Variants in NLRX1 observed in about 807,000 individuals in gnomAD.
NLRX1 encodes the protein NOD-like receptor X1.
Under a neutral mutation model 74.2 loss-of-function variants are expected in NLRX1, and 67 were observed. The ratio of observed to expected loss-of-function variants is 0.90; its 90% CI spans 0.74 to 1.11. NLRX1 has a LOEUF of 1.11. NLRX1 is among the 50% of genes least tolerant of loss of function. NLRX1 has a pLI of 0.00. For missense variants in NLRX1, 1,191 were observed against 1,305.4 expected, an observed-to-expected ratio of 0.91 and a Z score of 1.35; for synonymous variants, 506 against 559.1, an observed-to-expected ratio of 0.91 and a Z score of 1.34.
Position 119,182,331 on chromosome 11 carries a change from C to T in NLRX1, c.2592C>T (p.Ser864=). 1 of 1,612,488 alleles carries T rather than the reference C, an allele frequency of 6.2e-7. No individual in the cohort carries two copies. Among genetic ancestry groups the T allele is most frequent in the Non-Finnish European group, 8.5e-7 (1 of 1,179,830 alleles). Residue 864 remains serine, a synonymous_variant, in exon 9 of 10, where the codon TCC becomes TCT. Coordinates refer to ENST00000409109, the MANE Select transcript of NLRX1 (RefSeq NM_001282144.2). ...ALARAAREHP[S]LELLHLYFNE... The stretch of plus-strand genomic sequence containing the variant: ...CCAGAGCTGCCCGGGAGCACCCTTC[C>T]CTGGAACTGCTACAGTGAGTCCTGT...
Position 119,183,171 on chromosome 11 carries a change from G to A in NLRX1, c.2660G>A (p.Gly887Glu). The part of the protein sequence containing the change: ...SEGRQVLRDL[G>E]GAAEGGARVV... The stretch of plus-strand genomic sequence containing the variant: ...GGCCGCCAGGTCTTGCGAGACTTGG[G>A]GGGTGCTGCTGAAGGTGGTGCCCGG... Residue 887 changes from glycine to glutamate, a missense_variant, in exon 10 of 10, where the codon GGG becomes GAG. Coordinates refer to ENST00000409109, the MANE Select transcript of NLRX1 (RefSeq NM_001282144.2). This position sits in a 1 kb window ranked among gnomAD's most constrained non-coding sequence, Gnocchi z 5.7. The A allele has an allele frequency of 6.2e-7, 1 of 1,614,172 alleles. No individual in the cohort carries two copies. Among genetic ancestry groups the A allele is most frequent in the Non-Finnish European group, 8.5e-7 (1 of 1,180,038 alleles).
chr11:119,170,883 C>T (rs1402097298), intron 1 of NLRX1, among the ~76,000 whole-genome samples: 1 of 152,222 alleles, frequency 6.6e-6, no homozygotes, highest in Admixed American at 6.5e-5. Context: ...ATGGCTCACA[C>T]TTGTAATCCC....
chr11:119,177,484 C>G (rs1296263292), intron 6 of NLRX1, among the ~76,000 whole-genome samples: 1 of 148,938 alleles, frequency 6.7e-6, no homozygotes, highest in East Asian at 2.2e-4. Flanking sequence ...AAAAATTAGC[C>G]GGGTGTGGTG....
upstream of NLRX1, chr11:119,168,431 C>A (rs921735943): frequency 6.6e-6 from 1 of 152,306 alleles, no homozygotes; most frequent in Non-Finnish European, 1.5e-5. Context: ...GCCTTAGGCT[C>A]AGGTCTCTGC....
chr11:119,174,390 G>A (rs1373265231), intron 5 of NLRX1, 63 bp from the exon 6 acceptor site: 14 of 1,522,120 alleles, frequency 9.2e-6, no homozygotes, highest in Non-Finnish European at 1.3e-5. Flanking sequence ...GGGGTCCCCT[G>A]GGAATAGAAG....
intron 7 of NLRX1, 47 bp downstream of exon 7, chr11:119,180,335 G>C (rs1592335313): frequency 6.9e-7 from 1 of 1,445,372 alleles, no homozygotes; most frequent in Admixed American, 2.3e-5. Flanking sequence ...AAGAGGGTTG[G>C]AGGTGAAGAA....
Position 119,180,094 on chromosome 11 carries a change from C to T in NLRX1, c.2073C>T (p.Ser691=), listed in dbSNP as rs775739053. ...FHYEFQNQRF[S]AEVLSSLRQL... ...ATGAGTTCCAGAACCAGCGCTTCTC[C>T]GCTGAGGTGCTCAGCTCCCTGCGTC... Residue 691 remains serine (S), a synonymous_variant, in exon 7 of 10, where the codon TCC becomes TCT. Coordinates refer to ENST00000409109, the MANE Select transcript of NLRX1 (RefSeq NM_001282144.2). The T allele has an allele frequency of 3.5e-5, 57 of 1,613,540 alleles. No individual in the cohort carries two copies. The highest frequency in any genetic ancestry group is 8.0e-5 in the African/African-American group (6 of 74,946).
At chr11:119,174,420 G>A (rs756391419) in intron 5 of NLRX1, 33 bp from the exon 6 acceptor site, 19 of 1,591,588 alleles carry the variant, frequency 1.2e-5, no homozygotes, top group Non-Finnish European at 1.5e-5. Flanking sequence ...GGACACTAAG[G>A]TCTTTCTTAA....
rs1216538068 is a variant in NLRX1, at chr11:119,180,023, C to G, written c.2002C>G (p.Gln668Glu). ...IKKKLGKLGR[Q>E]VLPPSELLDH... ...GAAGAAGCTGGGCAAGCTGGGCCGG[C>G]AGGTGCTGCCCCCATCAGAGCTCCT... The change falls in exon 7 of 10, where the codon CAG (glutamine) becomes GAG (glutamate). Residue 668 changes from glutamine to glutamate, a missense_variant. Coordinates refer to ENST00000409109, the MANE Select transcript of NLRX1 (RefSeq NM_001282144.2). 2 of 1,613,566 alleles carry G rather than the reference C, an allele frequency of 1.2e-6. No individual in the cohort carries two copies. The highest frequency in any genetic ancestry group is 1.3e-5 in the African/African-American group (1 of 74,950).
rs1948643202 is a variant in NLRX1 at position 119,174,560 on chromosome 11, G to A, written c.957G>A (p.Lys319=). 3 of 1,614,080 alleles carry A rather than the reference G, an allele frequency of 1.9e-6. No individual in the cohort carries two copies. Among genetic ancestry groups the A allele is most frequent in the Non-Finnish European group, 2.5e-6 (3 of 1,180,046 alleles). The change falls in exon 6 of 10, where the codon AAG becomes AAA. Residue 319 remains lysine (K), a synonymous_variant. Coordinates refer to ENST00000409109, the MANE Select transcript of NLRX1 (RefSeq NM_001282144.2). ...ICGFSDTNLQ[K]LYFQLRLNQP... ...GTTTCTCTGATACCAACCTGCAGAA[G>A]CTCTACTTCCAGCTCCGCCTCAACC...
rs767669974 is a variant in NLRX1, at chr11:119,173,211, A to G, written c.229+222A>G. 9.8e-6 allele frequency: 6 copies of G among 613,014 alleles called. No individual in the cohort carries two copies. The East Asian group carries it at 1.4e-4, about 14-fold the overall frequency. 38.0% of individuals were successfully genotyped at this position (613,014 alleles called of 1,614,324 possible). ...GCGCTAGGAGAGCCATACCATCCCT[A>G]TGCTCAACAAAGTTGGGTCAAGCAG... On this transcript the variant is annotated intron_variant, in intron 4 of 9. Coordinates refer to ENST00000409109, the MANE Select transcript of NLRX1 (RefSeq NM_001282144.2). This position sits in a 1 kb window ranked among gnomAD's most constrained non-coding sequence, Gnocchi z 4.0.
rs752200365 is a variant in NLRX1, at chr11:119,174,971, C to A, written c.1368C>A (p.Gly456=). 3.7e-6 allele frequency: 6 copies of A among 1,614,070 alleles called. No homozygotes were observed. In the South Asian group the frequency reaches 5.5e-5, roughly 15 times the overall value. ...ATGTCTGTGGCTGCCTGGAGGCTGGCATCAGGACGGAGGAGGAGTTTCAGC... is the reference window on the plus strand; with the variant it reads ...ATGTCTGTGGCTGCCTGGAGGCTGGAATCAGGACGGAGGAGGAGTTTCAGC... ...EEDVCGCLEA[G]IRTEEEFQLL... The change falls in exon 6 of 10, where the codon GGC becomes GGA. Residue 456 remains glycine, a synonymous_variant. Transcript: ENST00000409109.
chr11:119,179,801 C>T lies in NLRX1; in HGVS notation c.1780C>T (p.Leu594=). The T allele has an allele frequency of 6.2e-7, 1 of 1,614,240 alleles. No homozygotes were observed. Among genetic ancestry groups the T allele is most frequent in the Non-Finnish European group, 8.5e-7 (1 of 1,180,046 alleles). ...REEDYYNDDV[L]DQMGASILGV... ...GGAGGACTACTACAACGATGATGTT[C>T]TGGACCAGATGGGCGCCAGTATCCT... Residue 594 remains leucine (L), a synonymous_variant, in exon 7 of 10, where the codon CTG becomes TTG. Transcript: ENST00000409109.
At chr11:119,179,592 C>T in intron 6 of NLRX1, 101 bp from the exon 7 acceptor site, 3 of 994,360 alleles carry the variant, frequency 3.0e-6, no homozygotes, top group Admixed American at 4.7e-5. Context: ...AAGGGGAGAT[C>T]ACAGGGCTGG....
In NLRX1 at chr11:119,182,084, G is replaced by A. The variant is rs576222639; in HGVS notation, c.2355-10G>A. On this transcript the variant is annotated splice_polypyrimidine_tract_variant and intron_variant, in intron 8 of 9. Transcript: ENST00000409109. ...GAGCCCTCATAACCTTGGGTTGCAC[G>A]TGGCTGTAGGCTGTCCAACAACCCG... 59 of 1,612,714 alleles carry A rather than the reference G, an allele frequency of 3.7e-5. No homozygotes were observed. Among genetic ancestry groups the A allele is most frequent in the African/African-American group, 3.2e-4 (24 of 75,004 alleles).
At position 119,173,256 on chromosome 11, in the gene NLRX1, C is replaced by T; in HGVS notation, c.230-223C>T. 2 of 638,978 alleles carry T rather than the reference C, an allele frequency of 3.1e-6. No individual in the cohort carries two copies. Among genetic ancestry groups the T allele is most frequent in the Non-Finnish European group, 5.4e-6 (2 of 370,366 alleles). 39.6% of individuals were successfully genotyped at this position (638,978 alleles called of 1,614,324 possible). ...AAGCAGGTTAAGACGGCACATAGGT[C>T]ACTGTGAAACCAGTTTGTCCAGTGG... On this transcript the variant is annotated intron_variant, in intron 4 of 9. Coordinates refer to ENST00000409109, the MANE Select transcript of NLRX1 (RefSeq NM_001282144.2). The surrounding 1 kb of genome is among the most constrained non-coding windows in gnomAD (Gnocchi z 4.0).
At position 119,182,181 on chromosome 11, in the gene NLRX1, G is replaced by C; in HGVS notation, c.2442G>C (p.Leu814=). 6.2e-7 allele frequency: 1 copy of C among 1,614,114 alleles called. No individual in the cohort carries two copies. The highest frequency in any genetic ancestry group is 8.5e-7 in the Non-Finnish European group (1 of 1,180,034). ...ACACCTCAGTGACGCACCTGTCCCTGCTGCACACGGGCCTTGGGGACGAAG... is the reference window on the plus strand; with the variant it reads ...ACACCTCAGTGACGCACCTGTCCCTCCTGCACACGGGCCTTGGGGACGAAG... ...AGNTSVTHLS[L]LHTGLGDEGL... Residue 814 remains leucine (L), a synonymous_variant, in exon 9 of 10, where the codon CTG becomes CTC. Coordinates refer to ENST00000409109, the MANE Select transcript of NLRX1 (RefSeq NM_001282144.2).
chr11:119,172,260 G>A, intron 2 of NLRX1, 96 bp from the exon 3 acceptor site: 1 of 924,074 alleles, frequency 1.1e-6, no homozygotes, highest in Admixed American at 1.7e-5. Context: ...GGCAGTACAT[G>A]CTGCTATGAG....
rs373612485 is a variant in NLRX1 at position 119,174,435 on chromosome 11, C to T, written c.850-18C>T. 66 of 1,606,662 alleles carry T rather than the reference C, an allele frequency of 4.1e-5. No individual in the cohort carries two copies. Among genetic ancestry groups the T allele is most frequent in the Middle Eastern group, 3.3e-4 (2 of 6,034 alleles). ...GGACACTAAGGTCTTTCTTAACTCT[C>T]AACCATGCTCTTCCCAGGCCAGCAT... On this transcript the variant is annotated intron_variant, in intron 5 of 9. Transcript: ENST00000409109.
Sources: allele counts gnomAD v4.1 joint callset (sites outside exome capture counted in the v4.1 genomes callset), GRCh38; gene constraint gnomAD v4.1.1; non-coding constraint Gnocchi (gnomAD v3.1); transcripts MANE v1.5; gene names NCBI Gene and HGNC (gene_info 2026-07-23, HGNC 2026-07-21).